ACAD11: variants seen among roughly 807,000 people sequenced by gnomAD.
ACAD11 encodes acyl-CoA dehydrogenase family member 11, also known as acyl-Coenzyme A dehydrogenase family, member 11.
In ACAD11, 83 loss-of-function variants were observed where a neutral mutation model predicts 102.2. The observed-to-expected ratio is 0.81, with a 90% CI of 0.68 to 0.97. The LOEUF (loss-of-function observed/expected upper bound fraction) is 0.97, where lower values mean the gene tolerates loss of function less well. ACAD11 is among the 50% of genes least tolerant of loss of function. ACAD11 has a pLI of 0.00. For synonymous variants in ACAD11, 324 were observed against 319.8 expected (o/e 1.01, Z -0.14); for missense variants, 901 against 951.7 (o/e 0.95, Z 0.70).
rs1164389754 is a variant in ACAD11 at position 132,605,276 on chromosome 3, G to C, written c.1415-71C>G. The C allele has an allele frequency of 1.1e-5, 12 of 1,078,492 alleles. No individual in the cohort carries two copies. The East Asian group carries it at 2.5e-4, about 22-fold the overall frequency. 66.8% of individuals were successfully genotyped at this position (1,078,492 alleles called of 1,614,324 possible). The stretch of plus-strand genomic sequence containing the variant: ...AGTATGAAATCCACAACTTTATGTA[G>C]AGAGTATAGAAATGCATCTTTTTAA... On this transcript the variant is annotated intron_variant, in intron 11 of 19. Transcript: ENST00000264990.
Position 132,558,203 on chromosome 3 carries a change from A to G in ACAD11, c.*768T>C, listed in dbSNP as rs1936939020. 6.6e-6 allele frequency: 1 copy of G among 152,112 alleles called. No homozygotes were observed. The highest frequency in any genetic ancestry group is 2.4e-5 in the African/African-American group (1 of 41,442). The allele number at this position is 152,112 out of a possible 1,614,324, so 9.4% of individuals were successfully genotyped here. ...AAACAATCCTGTCTTCTAAATCACA[A>G]CTTTTCGAGTTACAAGATTTATCCA... On this transcript the variant is annotated 3_prime_UTR_variant, in exon 20 of 20. Coordinates refer to ENST00000264990, the MANE Select transcript of ACAD11 (RefSeq NM_032169.5).
intron 17 of ACAD11, among the ~76,000 whole-genome samples, chr3:132,568,290 A>G (rs1030353105): frequency 2.0e-5 from 3 of 152,218 alleles, no homozygotes; most frequent in African/African-American, 7.2e-5. Flanking sequence ...AATTAAAAAC[A>G]CAATACTTAT....
Position 132,603,309 on chromosome 3 carries a change from C to T in ACAD11, c.1541G>A (p.Ser514Asn). 1.9e-6 allele frequency: 3 copies of T among 1,613,926 alleles called. No homozygotes were observed. In the South Asian group the frequency reaches 3.3e-5, roughly 18 times the overall value. Residue 514 changes from serine to asparagine, a missense_variant, in exon 13 of 20, where the codon AGT becomes AAT. By Grantham distance (46) the Ser-to-Asn change is conservative. Transcript: ENST00000264990. ...FCMTEPDVAS[S>N]DATNIECSIQ... is the part of the protein sequence containing the mutation. ...GCTGCATTCAATATTCGTGGCATCACTTGAAGCTACATCAGGTTCTATAAA... is the reference window on the plus strand; with the variant it reads ...GCTGCATTCAATATTCGTGGCATCATTTGAAGCTACATCAGGTTCTATAAA...
In ACAD11 at chr3:132,626,800, A is replaced by G. The variant is rs759397491; in HGVS notation, c.1088T>C (p.Leu363Pro). 3.7e-6 allele frequency: 6 copies of G among 1,611,484 alleles called. No individual in the cohort carries two copies. The African/African-American group carries it at 5.3e-5, about 14-fold the overall frequency. ...CTGTCCAGTAGTATCAATCTGTGGT[A>G]GTACAGTACTGAAAGTTCTTTGCCA... ...QLSKRTFSTV[L>P]PQIDTTGQLF... is the part of the protein sequence containing the mutation. Residue 363 changes from leucine to proline, a missense_variant, in exon 9 of 20, where the codon CTA becomes CCA. By Grantham distance (98) the Leu-to-Pro change is moderately conservative (BLOSUM62 -3). Coordinates refer to ENST00000264990, the MANE Select transcript of ACAD11 (RefSeq NM_032169.5).
In ACAD11 at chr3:132,575,942, A is replaced by G. The variant is rs772417401; in HGVS notation, c.1847-16T>C. 3.1e-6 allele frequency: 5 copies of G among 1,607,128 alleles called. No homozygotes were observed. Among genetic ancestry groups the G allele is most frequent in the Admixed American group, 1.7e-5 (1 of 59,614 alleles). The stretch of plus-strand genomic sequence containing the variant: ...CTACCTTCACCTGGGAAGAAAGGGG[A>G]AAAAAAGGGGGAATGTGAAAATGGC... On this transcript the variant is annotated splice_polypyrimidine_tract_variant and intron_variant, in intron 16 of 19. Coordinates refer to ENST00000264990, the MANE Select transcript of ACAD11 (RefSeq NM_032169.5).
intron 13 of ACAD11, among the ~76,000 whole-genome samples, chr3:132,583,515 G>A (rs1937656093): frequency 6.6e-6 from 1 of 152,040 alleles, no homozygotes; most frequent in Non-Finnish European, 1.5e-5. Flanking sequence ...TGGATTCACT[G>A]ATTTTTTGAA....
chr3:132,593,609 A>G (rs755950710), intron 13 of ACAD11, among the ~76,000 whole-genome samples: 2 of 152,208 alleles, frequency 1.3e-5, no homozygotes, highest in Non-Finnish European at 2.9e-5. Context: ...TACCATCCCT[A>G]TGGAATACAA....
intron 17 of ACAD11, among the ~76,000 whole-genome samples, chr3:132,567,103 C>G (rs764931375): frequency 1.3e-5 from 2 of 152,020 alleles, no homozygotes; most frequent in Non-Finnish European, 2.9e-5. Flanking sequence ...CTCAGCCTCC[C>G]GAATAGCTGG....
chr3:132,609,737 T>C lies in ACAD11; in HGVS notation c.1415-4532A>G, dbSNP rs1443226429. 1.3e-5 allele frequency among the ~76,000 whole-genome samples: 2 copies of C among 152,094 alleles called. 1 individual carries two copies. The highest frequency in any genetic ancestry group is 1.3e-4 in the Admixed American group (2 of 15,254). ...GCTGGTACCCTTCCTTCTGAAACTA[T>C]TCCAAATAGAAAAAGAGGGACTCCT... is the stretch of plus-strand genomic sequence containing the variant. On this transcript the variant is annotated intron_variant, in intron 11 of 19. Transcript: ENST00000264990.
intron 1 of ACAD11, among the ~76,000 whole-genome samples, chr3:132,652,208 G>A (rs574143149): frequency 1.3e-5 from 2 of 152,098 alleles, no homozygotes; most frequent in Non-Finnish European, 2.9e-5. Context: ...TGGTGAATAA[G>A]TCTCATGAGA....
chr3:132,603,878 CTAGCTCTCAATCA>C (rs1938721957), intron 12 of ACAD11, among the ~76,000 whole-genome samples: 2 of 152,220 alleles, frequency 1.3e-5, no homozygotes, highest in Admixed American at 6.5e-5. Flanking sequence ...TCAGAACTGT[CTAGCTCTCAATCA>C]TAGCAATCTG....
At chr3:132,583,648 T>A (rs138965076) in intron 13 of ACAD11, among the ~76,000 whole-genome samples, 1 of 152,208 alleles carries the variant, frequency 6.6e-6, no homozygotes, top group African/African-American at 2.4e-5. Flanking sequence ...TGTTAGGGTA[T>A]CAATTTTAGG....
In ACAD11 at chr3:132,558,875, C is replaced by CA; in HGVS notation, c.*95dup. The CA allele has an allele frequency of 1.1e-6, 1 of 876,302 alleles. No homozygotes were observed. Among genetic ancestry groups the CA allele is most frequent in the Non-Finnish European group, 1.8e-6 (1 of 551,920 alleles). 54.3% of individuals were successfully genotyped at this position (876,302 alleles called of 1,614,324 possible). ...ACAAATGAATAATTAACCCTGTGCT[C>CA]AAACTGCTACAAAAATATGAGATTC... On this transcript the variant is annotated 3_prime_UTR_variant, in exon 20 of 20. Transcript: ENST00000264990.
intron 12 of ACAD11, among the ~76,000 whole-genome samples, chr3:132,603,861 T>C (rs1463409387): frequency 4.6e-5 from 7 of 152,350 alleles, no homozygotes; most frequent in Non-Finnish European, 1.0e-4. Context: ...CTTTATTGCA[T>C]GGCACTTCAG....
intron 1 of ACAD11, chr3:132,649,766 C>T (rs1374427578): frequency 1.3e-5 from 2 of 152,156 alleles, no homozygotes; most frequent in African/African-American, 4.8e-5. Flanking sequence ...GAAATACCCA[C>T]AGGTGTGGAG....
chr3:132,605,506 C>T (rs1297186047), intron 11 of ACAD11, among the ~76,000 whole-genome samples: 1 of 152,214 alleles, frequency 6.6e-6, no homozygotes, highest in Non-Finnish European at 1.5e-5. Flanking sequence ...AAAAAATTTA[C>T]TGGCCTAAAC....
chr3:132,579,435 T>C, intron 14 of ACAD11, 57 bp downstream of exon 14: 2 of 1,374,966 alleles, frequency 1.5e-6, no homozygotes, highest in East Asian at 2.3e-5. Context: ...ATTACCTAGA[T>C]AGGAGGAAGA....
chr3:132,631,364 T>C lies in ACAD11; in HGVS notation c.818A>G (p.Gln273Arg). The part of the protein sequence containing the change: ...FWPRTVPMIN[Q>R]GSYSENSGIP... ...ACCTGAGTTTTCACTATAAGAACCT[T>C]GATTTATCATTGGAACTGTCCTTGG... is the stretch of plus-strand genomic sequence containing the variant. The change falls in exon 6 of 20, where the codon CAA becomes CGA. Residue 273 changes from glutamine to arginine, a missense_variant. Coordinates refer to ENST00000264990, the MANE Select transcript of ACAD11 (RefSeq NM_032169.5). 6.6e-7 allele frequency: 1 copy of C among 1,510,062 alleles called. No individual in the cohort carries two copies. The highest frequency in any genetic ancestry group is 8.9e-7 in the Non-Finnish European group (1 of 1,125,678). The allele number at this position is 1,510,062 out of a possible 1,614,324, so 93.5% of individuals were successfully genotyped here.
At chr3:132,588,337 G>C (rs960794477) in intron 13 of ACAD11, among the ~76,000 whole-genome samples, 50 of 152,112 alleles carry the variant, frequency 3.3e-4, no homozygotes, top group African/African-American at 1.2e-3. Flanking sequence ...TTTAAACTTT[G>C]CCAAAAATCA....
Sources: allele counts gnomAD v4.1 joint callset (sites outside exome capture counted in the v4.1 genomes callset), GRCh38; gene constraint gnomAD v4.1.1; transcripts MANE v1.5; gene names NCBI Gene and HGNC (gene_info 2026-07-23, HGNC 2026-07-21).